The following KHK variants were observed in gnomAD, a reference collection of about 807,000 sequenced individuals.
The protein encoded by KHK is ketohexokinase, also known as fructokinase.
A neutral mutation model predicts 36.0 loss-of-function variants in KHK; 37 were observed. The observed-to-expected ratio is 1.03, with a 90% CI of 0.79 to 1.35. KHK has a LOEUF of 1.35. KHK is among the 40% of genes most tolerant of loss of function. The pLI, the probability that KHK is intolerant of heterozygous loss-of-function variation, is 0.00. For missense variants in KHK, 395 were observed against 391.9 expected (o/e 1.01, Z -0.07); for synonymous variants, 161 against 162.8 (o/e 0.99, Z 0.08).
intron 1 of KHK, among the ~76,000 whole-genome samples, chr2:27,088,561 C>T (rs868587306): frequency 5.3e-5 from 8 of 152,150 alleles, no homozygotes; most frequent in African/African-American, 1.9e-4. Context: ...TATAGGCATA[C>T]GCCACCATGC....
intron 5 of KHK, among the ~76,000 whole-genome samples, chr2:27,097,922 G>C (rs1670486794): frequency 6.6e-6 from 1 of 152,152 alleles, no homozygotes; most frequent in African/African-American, 2.4e-5. Flanking sequence ...GGCTTAAACA[G>C]CCACAGGGCA....
intron 2 of KHK, 95 bp from the exon 3 acceptor site, chr2:27,094,705 A>G (rs1482698367): frequency 6.2e-7 from 1 of 1,612,278 alleles, no homozygotes; most frequent in Non-Finnish European, 8.5e-7. Context: ...CGTGTGCTCC[A>G]GCACCCTCTC....
chr2:27,088,045 T>G (rs1041228567), intron 1 of KHK: 1 of 150,358 alleles, frequency 6.7e-6, no homozygotes, highest in South Asian at 2.1e-4. Context: ...CGTTTAGTAG[T>G]GGGAAATATC....
intron 5 of KHK, 141 bp from the exon 6 acceptor site, chr2:27,099,055 T>G: frequency 1.2e-6 from 1 of 818,798 alleles, no homozygotes; most frequent in South Asian, 1.3e-5. Flanking sequence ...AAAACCACGT[T>G]CCCGTGGGAC....
rs752889070 is a variant in KHK, at chr2:27,097,511, C to T, written c.426C>T (p.Asn142=). 31 of 1,613,514 alleles carry T rather than the reference C, an allele frequency of 1.9e-5. No individual in the cohort carries two copies. The highest frequency in any genetic ancestry group is 2.3e-5 in the Non-Finnish European group (27 of 1,180,038). Residue 142 remains asparagine, a synonymous_variant, in exon 5 of 8, where the codon AAC becomes AAT. Transcript: ENST00000260598. ...QFKWIHIEGR[N]ASEQVKMLQR... is the part of the protein sequence containing the mutation. Reference sequence around the variant, plus strand: ...GCCCTGTCCTGTACCAGGGCCGGAACGCATCGGAGCAGGTGAAGATGCTGC... The same window carrying T: ...GCCCTGTCCTGTACCAGGGCCGGAATGCATCGGAGCAGGTGAAGATGCTGC...
chr2:27,099,101 T>G (rs545507451), intron 5 of KHK, 95 bp from the exon 6 acceptor site: 3 of 1,025,446 alleles, frequency 2.9e-6, no homozygotes, highest in Non-Finnish European at 3.1e-6. Context: ...TGTGGACATG[T>G]TGGGGGAGTC....
Position 27,099,222 on chromosome 2 carries a change from G to C in KHK, c.591G>C (p.Lys197Asn). The C allele has an allele frequency of 6.2e-7, 1 of 1,614,162 alleles. No homozygotes were observed. Among genetic ancestry groups the C allele is most frequent in the Non-Finnish European group, 8.5e-7 (1 of 1,180,038 alleles). ...DVVFVSKDVAKHLGFQSAEEA... is the reference protein window; with the variant it reads ...DVVFVSKDVANHLGFQSAEEA... ...TGTTTGTCAGCAAAGATGTGGCCAA[G>C]CACTTGGGGTTCCAGTCAGCAGAGG... Residue 197 changes from lysine to asparagine, a missense_variant, in exon 6 of 8, where the codon AAG (lysine) becomes AAC (asparagine). Coordinates refer to ENST00000260598, the MANE Select transcript of KHK (RefSeq NM_006488.3).
At chr2:27,090,391 C>T (rs915568039) in intron 1 of KHK, among the ~76,000 whole-genome samples, 6 of 150,900 alleles carry the variant, frequency 4.0e-5, no homozygotes, top group Non-Finnish European at 7.4e-5. Flanking sequence ...CATATCTTTT[C>T]GTAAAAATTT....
Position 27,100,269 on chromosome 2 carries a change from G to A in KHK, c.*519G>A. On this transcript the variant is annotated 3_prime_UTR_variant, in exon 8 of 8. Transcript: ENST00000260598. Reference sequence around the variant, plus strand: ...TCAGAAGCTGGGAGTCCACACCGCTGAGCTGAACTGACAGGCCAGTGGGGG... The same window carrying A: ...TCAGAAGCTGGGAGTCCACACCGCTAAGCTGAACTGACAGGCCAGTGGGGG... 2.4e-6 allele frequency: 1 copy of A among 418,038 alleles called. No homozygotes were observed. The highest frequency in any genetic ancestry group is 1.9e-5 in the South Asian group (1 of 51,756). 25.9% of individuals were successfully genotyped at this position (418,038 alleles called of 1,614,324 possible). A position where few individuals can be genotyped will look rare whatever the true frequency, so the allele number is the denominator to read the frequency against.
intron 2 of KHK, chr2:27,094,512 A>G: frequency 6.2e-7 from 1 of 1,613,776 alleles, no homozygotes; most frequent in Non-Finnish European, 8.5e-7. Flanking sequence ...TATTCTGTGG[A>G]CCTACGCTAC....
At chr2:27,094,994 C>A in intron 3 of KHK, 60 bp downstream of exon 3, 1 of 1,597,432 alleles carries the variant, frequency 6.3e-7, no homozygotes. Flanking sequence ...AATCAGTTCC[C>A]TCACTCGCCA....
In KHK at chr2:27,099,728, A is replaced by G. The variant is rs1387548575; in HGVS notation, c.875A>G (p.Gln292Arg). The part of the protein sequence containing the change: ...CQVAGKKCGL[Q>R]GFDGIV Reference sequence around the variant, plus strand: ...GTGGCCGGCAAGAAGTGTGGCCTGCAGGGCTTTGATGGCATCGTGTGAGAG... The same window carrying G: ...GTGGCCGGCAAGAAGTGTGGCCTGCGGGGCTTTGATGGCATCGTGTGAGAG... The change falls in exon 8 of 8, where the codon CAG becomes CGG. Residue 292 changes from glutamine to arginine, a missense_variant. By Grantham distance (43) the Gln-to-Arg change is conservative (BLOSUM62 1). Coordinates refer to ENST00000260598, the MANE Select transcript of KHK (RefSeq NM_006488.3). 6.2e-7 allele frequency: 1 copy of G among 1,614,124 alleles called. No homozygotes were observed. Among genetic ancestry groups the G allele is most frequent in the South Asian group, 1.1e-5 (1 of 91,078 alleles).
chr2:27,094,698 G>A, intron 2 of KHK, 102 bp from the exon 3 acceptor site: 7 of 1,612,844 alleles, frequency 4.3e-6, no homozygotes, highest in Non-Finnish European at 5.9e-6. Context: ...AGAGGCTCGT[G>A]TGCTCCAGCA....
intron 3 of KHK, 78 bp from the exon 4 acceptor site, chr2:27,096,651 A>G: frequency 8.8e-7 from 1 of 1,134,630 alleles, no homozygotes; most frequent in Non-Finnish European, 1.3e-6. Context: ...CAGGGTCCAC[A>G]GCTGCCAGTT....
At position 27,099,301 on chromosome 2, in the gene KHK, A is replaced by C. The variant is rs1408603029; in HGVS notation, c.653+17A>C. On this transcript the variant is annotated intron_variant, in intron 6 of 7. Coordinates refer to ENST00000260598, the MANE Select transcript of KHK (RefSeq NM_006488.3). ...GAGGAAAGGGTGAGCCGGGGAAGCCAGGAAGGGGCTTTAGAAGGTACAGGA... is the reference window on the plus strand; with the variant it reads ...GAGGAAAGGGTGAGCCGGGGAAGCCCGGAAGGGGCTTTAGAAGGTACAGGA... The C allele has an allele frequency of 2.5e-6, 4 of 1,613,940 alleles. No individual in the cohort carries two copies. The highest frequency in any genetic ancestry group is 3.4e-6 in the Non-Finnish European group (4 of 1,179,858).
At chr2:27,095,302 A>G (rs1187411617) in intron 3 of KHK, among the ~76,000 whole-genome samples, 1 of 151,984 alleles carries the variant, frequency 6.6e-6, no homozygotes, top group Non-Finnish European at 1.5e-5. Context: ...ATGGGATTCA[A>G]CCCTTCTTAA....
chr2:27,094,581 G>C (rs1670217335), intron 2 of KHK: 1 of 1,614,068 alleles, frequency 6.2e-7, no homozygotes, highest in Admixed American at 1.7e-5. Context: ...AACGAGGCCA[G>C]TGGTAGCCGC....
At chr2:27,099,037 GAAAA>G (rs1558452211) in intron 5 of KHK, 155 bp from the exon 6 acceptor site, 1 of 752,586 alleles carries the variant, frequency 1.3e-6, no homozygotes, top group South Asian at 1.4e-5. Context: ...AAAAAATAAA[GAAAA>G]AAGAAAACCA....
chr2:27,094,481 G>C (rs1670205792), intron 2 of KHK: 2 of 1,613,374 alleles, frequency 1.2e-6, no homozygotes, highest in Non-Finnish European at 1.7e-6. Flanking sequence ...TAGCAGTTTT[G>C]TCCTGGATGA....
Sources: gnomAD v4.1 joint callset for allele counts (sites outside exome capture counted in the v4.1 genomes callset) on GRCh38, gnomAD v4.1.1 for gene constraint, MANE v1.5 for transcripts, NCBI Gene and HGNC (gene_info 2026-07-23, HGNC 2026-07-21) for gene names.